PRPF18: variants seen among roughly 807,000 people sequenced by gnomAD.
The protein encoded by PRPF18 is pre-mRNA processing factor 18, also known as pre-mRNA-splicing factor 18.
Under a neutral mutation model 46.5 loss-of-function variants are expected in PRPF18, and 38 were observed. The ratio of observed to expected loss-of-function variants is 0.82; its 90% CI spans 0.63 to 1.07. The LOEUF is 1.07. Ranked by LOEUF, PRPF18 falls within the 50% of genes least tolerant of loss-of-function variation. The pLI is 0.00. For missense variants in PRPF18, 263 were observed against 410.0 expected (o/e 0.64, Z 3.10); for synonymous variants, 152 against 146.7 (o/e 1.04, Z -0.26).
the PRPF18 span, chr10:13,646,996 A>C: frequency 1.0e-6 from 1 of 983,410 alleles, no homozygotes; most frequent in Non-Finnish European, 1.2e-6. Context: ...CTAGTTCTGG[A>C]TAGAGGGAGG....
chr10:13,621,591 C>T (rs2080420843), intron 9 of PRPF18, among the ~76,000 whole-genome samples: 1 of 152,168 alleles, frequency 6.6e-6, no homozygotes, highest in Non-Finnish European at 1.5e-5. Flanking sequence ...AAGTCCAGCC[C>T]ACTCCTTTGT....
chr10:13,646,981 A>T, the PRPF18 span: 2 of 984,916 alleles, frequency 2.0e-6, no homozygotes, highest in Non-Finnish European at 2.4e-6. Context: ...ACCACTGGAC[A>T]TCAGCTAGTT....
intron 9 of PRPF18, among the ~76,000 whole-genome samples, chr10:13,617,768 G>A (rs2080367463): frequency 6.6e-6 from 1 of 151,868 alleles, no homozygotes; most frequent in Admixed American, 6.6e-5. Context: ...CAAGAATTCT[G>A]GTTTATTTTG....
At position 13,618,615 on chromosome 10, in the gene PRPF18, C is replaced by CAA. The variant is rs68069523; in HGVS notation, c.948+2087_948+2088dup. 4.5e-3 allele frequency among the ~76,000 whole-genome samples: 179 copies of CAA among 39,958 alleles called. 4 individuals carry two copies. Among genetic ancestry groups the CAA allele is most frequent in the African/African-American group, 0.011 (132 of 11,594 alleles). 26.2% of individuals were successfully genotyped at this position (39,958 alleles called of 152,430 possible). The stretch of plus-strand genomic sequence containing the variant: ...CACTTCAGACAGAGCAAGACCCTGT[C>CAA]AAAAAAAAAAAAAAAAAAAAAAAAA... On this transcript the variant is annotated intron_variant, in intron 9 of 9. Transcript: ENST00000378572.
chr10:13,642,474 C>G, the PRPF18 span: 2 of 152,140 alleles, frequency 1.3e-5, no homozygotes, highest in African/African-American at 4.8e-5. Context: ...ATACTTTCTA[C>G]CAGGAGTGGG....
At chr10:13,636,696 A>G in the PRPF18 span, among the ~76,000 whole-genome samples, 2 of 152,218 alleles carry the variant, frequency 1.3e-5, no homozygotes, top group African/African-American at 2.4e-5. Flanking sequence ...TAGCGCCCCA[A>G]TCAGAAAAGG....
chr10:13,636,079 G>A, the PRPF18 span, among the ~76,000 whole-genome samples: 1 of 152,144 alleles, frequency 6.6e-6, no homozygotes, highest in East Asian at 1.9e-4. Flanking sequence ...GTTGGATAAA[G>A]CAAGATTAAA....
chr10:13,597,559 A>G, intron 2 of PRPF18, 24 bp downstream of exon 2: 3 of 1,600,970 alleles, frequency 1.9e-6, no homozygotes, highest in Non-Finnish European at 2.6e-6. Flanking sequence ...CTTTTATGTT[A>G]AATTGTACAT....
chr10:13,607,626 A>T (rs962657626), intron 4 of PRPF18, among the ~76,000 whole-genome samples: 1 of 152,098 alleles, frequency 6.6e-6, no homozygotes, highest in African/African-American at 2.4e-5. Flanking sequence ...GCCCAGGCTG[A>T]TCTTGAACTC....
rs982144577 is a variant in PRPF18 at position 13,630,472 on chromosome 10, C to G, written c.*132C>G. 2 of 629,698 alleles carry G rather than the reference C, an allele frequency of 3.2e-6. No individual in the cohort carries two copies. The highest frequency in any genetic ancestry group is 3.7e-5 in the African/African-American group (2 of 53,400). The allele number at this position is 629,698 out of a possible 1,614,324, so 39.0% of individuals were successfully genotyped here. A position where few individuals can be genotyped will look rare whatever the true frequency, so the allele number is the denominator to read the frequency against. On this transcript the variant is annotated 3_prime_UTR_variant, in exon 10 of 10. Transcript: ENST00000378572. ...TCTCTGAGTTCTACCTGATGTAACTCTTGATTGGTTTTAAGAACTTTGTTG... is the reference window on the plus strand; with the variant it reads ...TCTCTGAGTTCTACCTGATGTAACTGTTGATTGGTTTTAAGAACTTTGTTG...
At chr10:13,608,778 C>G (rs771484476) in intron 4 of PRPF18, among the ~76,000 whole-genome samples, 5 of 152,204 alleles carry the variant, frequency 3.3e-5, no homozygotes, top group Non-Finnish European at 5.9e-5. Context: ...ATGCCAAGTC[C>G]TGTGCCGTGC....
chr10:13,587,282 C>A, intron 1 of PRPF18, 130 bp downstream of exon 1: 1 of 961,602 alleles, frequency 1.0e-6, no homozygotes, highest in Non-Finnish European at 1.6e-6. Context: ...CCTGCCACTA[C>A]CCCTGGTAGG....
chr10:13,609,701 T>C (rs1036134091), intron 4 of PRPF18, among the ~76,000 whole-genome samples: 1 of 152,212 alleles, frequency 6.6e-6, no homozygotes, highest in African/African-American at 2.4e-5. Flanking sequence ...TTGGGGACTC[T>C]AATGGAGACC....
chr10:13,643,287 C>T, the PRPF18 span: 1 of 152,166 alleles, frequency 6.6e-6, no homozygotes, highest in African/African-American at 2.4e-5. Flanking sequence ...TCCCTCAAAG[C>T]CTAGCTTCCT....
At chr10:13,644,377 T>C in the PRPF18 span, 1 of 152,264 alleles carries the variant, frequency 6.6e-6, no homozygotes, top group Non-Finnish European at 1.5e-5. Context: ...TCATTAATCA[T>C]GTCAGTCTCA....
chr10:13,590,545 C>T (rs1269758151), intron 1 of PRPF18, among the ~76,000 whole-genome samples: 5 of 148,528 alleles, frequency 3.4e-5, no homozygotes, highest in Non-Finnish European at 5.9e-5. Context: ...GGCGTGAACC[C>T]GGGAGGCGGG....
chr10:13,615,597 T>G (rs905222766), intron 8 of PRPF18, among the ~76,000 whole-genome samples: 4 of 152,208 alleles, frequency 2.6e-5, no homozygotes, highest in African/African-American at 9.6e-5. Context: ...GGTGTCTGAT[T>G]TTTTTAAATT....
In PRPF18 at chr10:13,611,608, T is replaced by C. The variant is rs765908563; in HGVS notation, c.511-7T>C. ...AATGAACAGAAGCATTGTTTCTTTT[T>C]CTTCAGGCGCTTGGAGAGTCCTTAG... On this transcript the variant is annotated splice_polypyrimidine_tract_variant and splice_region_variant and intron_variant, in intron 5 of 9. Transcript: ENST00000378572. 5 of 1,612,666 alleles carry C rather than the reference T, an allele frequency of 3.1e-6. No individual in the cohort carries two copies. The highest frequency in any genetic ancestry group is 2.7e-5 in the African/African-American group (2 of 74,874).
chr10:13,615,340 T>G (rs2080324223), intron 8 of PRPF18, among the ~76,000 whole-genome samples: 2 of 152,250 alleles, frequency 1.3e-5, no homozygotes, highest in African/African-American at 4.8e-5. Flanking sequence ...ATAACCTGTT[T>G]AGACAGTTTC....
Sources: allele counts gnomAD v4.1 joint callset (sites outside exome capture counted in the v4.1 genomes callset), GRCh38; gene constraint gnomAD v4.1.1; transcripts MANE v1.5; gene names NCBI Gene and HGNC (gene_info 2026-07-23, HGNC 2026-07-21).